The following ATP8A1 variants were observed in gnomAD, a reference collection of about 807,000 sequenced individuals.
ATP8A1 encodes the protein phospholipid-transporting ATPase IA.
Under a neutral mutation model 177.7 loss-of-function variants are expected in ATP8A1, and 90 were observed. The observed-to-expected ratio is 0.51, with a 90% CI of 0.43 to 0.60. ATP8A1 has a LOEUF of 0.60. Ranked by LOEUF, ATP8A1 falls within the 20% of genes least tolerant of loss-of-function variation. The probability of loss-of-function intolerance (pLI) is 0.00; values close to 1 mark genes in which losing one functional copy is unlikely to be tolerated. For missense variants in ATP8A1, 1,072 were observed against 1,392.8 expected (o/e 0.77, Z 3.67); for synonymous variants, 493 against 485.9 (o/e 1.01, Z -0.19).
intron 20 of ATP8A1, 119 bp from the exon 21 acceptor site, chr4:42,524,966 C>T (rs1418405834): frequency 1.6e-5 from 9 of 547,212 alleles, no homozygotes; most frequent in Middle Eastern, 2.9e-4. Context: ...TTTTGGCATT[C>T]GTTTTAAAGA....
intron 25 of ATP8A1, 105 bp downstream of exon 25, chr4:42,485,391 A>G: frequency 2.8e-6 from 3 of 1,073,668 alleles, no homozygotes; most frequent in Non-Finnish European, 3.9e-6. Flanking sequence ...TTAGTAAGTA[A>G]CCTAACTTTT....
At position 42,547,897 on chromosome 4, in the gene ATP8A1, T is replaced by C. The variant is rs537405940; in HGVS notation, c.1652+1116A>G. 5.9e-5 allele frequency among the ~76,000 whole-genome samples: 9 copies of C among 152,366 alleles called. No homozygotes were observed. The East Asian group carries it at 1.2e-3, about 20-fold the overall frequency. Reference sequence around the variant, plus strand: ...GCAGAAGAAAGTTCAAGAAAAATGATGGACACTTATTTCCTTGAGCAGCAG... The same window carrying C: ...GCAGAAGAAAGTTCAAGAAAAATGACGGACACTTATTTCCTTGAGCAGCAG... On this transcript the variant is annotated intron_variant, in intron 19 of 36. Coordinates refer to ENST00000381668, the MANE Select transcript of ATP8A1 (RefSeq NM_006095.2).
chr4:42,436,145 G>A (rs991975291), intron 33 of ATP8A1, among the ~76,000 whole-genome samples: 3 of 152,116 alleles, frequency 2.0e-5, no homozygotes, highest in South Asian at 2.1e-4. Context: ...AGCAGGCTTC[G>A]TTCAGCTTTC....
chr4:42,617,684 T>A (rs62302324), intron 4 of ATP8A1, among the ~76,000 whole-genome samples: 34,294 of 151,980 alleles, frequency 0.23, 4,297 homozygotes, highest in Non-Finnish European at 0.29. Context: ...CTAAAGGAGA[T>A]AAATAAAAGC....
chr4:42,555,146 C>CTATCTATCT lies in ATP8A1; in HGVS notation c.1413+813_1413+821dup, dbSNP rs1560454833. ...CTATCTATCTATCTATCTAATCTAT[C>CTATCTATCT]TATCTATCTATCTATCTATCTATCT... On this transcript the variant is annotated intron_variant, in intron 16 of 36. Coordinates refer to ENST00000381668, the MANE Select transcript of ATP8A1 (RefSeq NM_006095.2). 8.8e-5 allele frequency among the ~76,000 whole-genome samples: 7 copies of CTATCTATCT among 79,692 alleles called. No homozygotes were observed. In the East Asian group the frequency reaches 1.2e-3, roughly 14 times the overall value. 52.3% of individuals were successfully genotyped at this position (79,692 alleles called of 152,430 possible).
intron 5 of ATP8A1, among the ~76,000 whole-genome samples, chr4:42,605,282 T>G (rs2109414229): frequency 1.3e-5 from 2 of 152,350 alleles, no homozygotes; most frequent in Middle Eastern, 3.4e-3. Flanking sequence ...CAATTTTCAG[T>G]GCAAGCAGTT....
rs748690814 is a variant in ATP8A1 at position 42,624,640 on chromosome 4, T to C, written c.265-6A>G. On this transcript the variant is annotated splice_region_variant and splice_polypyrimidine_tract_variant and intron_variant, in intron 3 of 36. Transcript: ENST00000381668. ...GGTGACACATCAGGTATTTGCTGTT[T>C]GGAAAAAAAAAAAAAAGAGAAATCC... The C allele has an allele frequency of 7.9e-7, 1 of 1,271,004 alleles. No individual in the cohort carries two copies. The highest frequency in any genetic ancestry group is 2.8e-5 in the East Asian group (1 of 35,586). The allele number at this position is 1,271,004 out of a possible 1,614,324, so 78.7% of individuals were successfully genotyped here.
chr4:42,475,580 A>T (rs1389471762), intron 25 of ATP8A1, among the ~76,000 whole-genome samples: 2 of 152,064 alleles, frequency 1.3e-5, no homozygotes, highest in African/African-American at 4.8e-5. Context: ...ATATACTGTC[A>T]GGCAAAATAT....
chr4:42,462,810 C>T lies in ATP8A1; in HGVS notation c.2619+1880G>A, dbSNP rs187029682. 1.1e-3 allele frequency among the ~76,000 whole-genome samples: 175 copies of T among 152,314 alleles called. 5 individuals are homozygous for T. In the South Asian group the frequency reaches 0.029, roughly 25 times the overall value. ...AGGGAGGCTGTATCCTGTAAAGCCACGGGGCAGAGCGGCCCAAGACCATGG... is the reference window on the plus strand; with the variant it reads ...AGGGAGGCTGTATCCTGTAAAGCCATGGGGCAGAGCGGCCCAAGACCATGG... On this transcript the variant is annotated intron_variant, in intron 27 of 36. Coordinates refer to ENST00000381668, the MANE Select transcript of ATP8A1 (RefSeq NM_006095.2).
intron 25 of ATP8A1, among the ~76,000 whole-genome samples, chr4:42,473,560 C>T (rs1373416936): frequency 6.6e-6 from 1 of 152,160 alleles, no homozygotes; most frequent in Non-Finnish European, 1.5e-5. Context: ...CAGTGTCTGA[C>T]TGGAGCACAC....
At chr4:42,537,146 A>AAAC (rs540584674) in intron 20 of ATP8A1, among the ~76,000 whole-genome samples, 2,200 of 145,542 alleles carry the variant, frequency 0.015, 65 homozygotes, top group African/African-American at 0.053. Context: ...AAAAAAAAAA[A>AAAC]CAAAAAAACC....
At chr4:42,603,142 A>T (rs2109407395) in intron 5 of ATP8A1, among the ~76,000 whole-genome samples, 1 of 152,324 alleles carries the variant, frequency 6.6e-6, no homozygotes, top group Non-Finnish European at 1.5e-5. Flanking sequence ...ATTAGACAGG[A>T]TGAATAAGCT....
At position 42,444,740 on chromosome 4, in the gene ATP8A1, T is replaced by G. The variant is rs1483766724; in HGVS notation, c.2959-106A>C. ...AGATCTCTGAATGTAACTATGGGAC[T>G]AGGAGACTGCTGCTTGCTTTGTATA... is the stretch of plus-strand genomic sequence containing the variant. On this transcript the variant is annotated intron_variant, in intron 31 of 36. Coordinates refer to ENST00000381668, the MANE Select transcript of ATP8A1 (RefSeq NM_006095.2). 34 of 1,131,084 alleles carry G rather than the reference T, an allele frequency of 3.0e-5. No homozygotes were observed. The East Asian group carries it at 8.2e-4, about 27-fold the overall frequency. The allele number at this position is 1,131,084 out of a possible 1,614,324, so 70.1% of individuals were successfully genotyped here. A position where few individuals can be genotyped will look rare whatever the true frequency, so the allele number is the denominator to read the frequency against.
At chr4:42,515,067 T>C (rs571713537) in intron 22 of ATP8A1, among the ~76,000 whole-genome samples, 112 of 152,362 alleles carry the variant, frequency 7.4e-4, no homozygotes, top group African/African-American at 2.6e-3. Context: ...TTTTCTTGCT[T>C]ACCCCAATGG....
At chr4:42,591,320 TG>T (rs1734152399) in intron 6 of ATP8A1, among the ~76,000 whole-genome samples, 2 of 145,402 alleles carry the variant, frequency 1.4e-5, no homozygotes. Flanking sequence ...GATAGGGTCT[TG>T]AAAAAAAAAG....
intron 27 of ATP8A1, among the ~76,000 whole-genome samples, chr4:42,456,330 G>A (rs186676436): frequency 3.5e-4 from 54 of 152,126 alleles, no homozygotes; most frequent in South Asian, 6.2e-4. Context: ...TTCTTAAGGT[G>A]GAATAGGTCA....
chr4:42,587,263 T>C (rs1025398954), intron 8 of ATP8A1, among the ~76,000 whole-genome samples: 16 of 152,118 alleles, frequency 1.1e-4, no homozygotes, highest in African/African-American at 3.9e-4. Flanking sequence ...GGAGCTTATG[T>C]AGTAAACTTG....
At chr4:42,512,910 G>T (rs1343899943) in intron 22 of ATP8A1, among the ~76,000 whole-genome samples, 1 of 152,188 alleles carries the variant, frequency 6.6e-6, no homozygotes, top group Non-Finnish European at 1.5e-5. Context: ...AGGACAGATG[G>T]TGAATACTGT....
At chr4:42,528,012 C>T (rs1022309045) in intron 20 of ATP8A1, among the ~76,000 whole-genome samples, 8 of 151,926 alleles carry the variant, frequency 5.3e-5, no homozygotes, top group Non-Finnish European at 1.2e-4. Flanking sequence ...TTGGGGACTA[C>T]TGGACACTGG....
Sources: gnomAD v4.1 joint callset for allele counts (sites outside exome capture counted in the v4.1 genomes callset) on GRCh38, gnomAD v4.1.1 for gene constraint, MANE v1.5 for transcripts, NCBI Gene and HGNC (gene_info 2026-07-23, HGNC 2026-07-21) for gene names.